Variants in FMN1 observed in about 807,000 individuals in gnomAD.
FMN1 encodes the protein formin-1.
A neutral mutation model predicts 132.4 loss-of-function variants in FMN1; 110 were observed. The ratio of observed to expected loss-of-function variants is 0.83; its 90% confidence interval spans 0.71 to 0.97. FMN1 has a LOEUF of 0.97. FMN1 is among the 50% of genes least tolerant of loss of function. The pLI is 0.00. For missense variants in FMN1, 1,792 were observed against 1,705.3 expected, an observed-to-expected ratio of 1.05 and a Z score of -0.90; for synonymous variants, 722 against 651.7, an observed-to-expected ratio of 1.11 and a Z score of -1.64.
At chr15:33,040,665 C>A (rs974546105) in intron 6 of FMN1, among the ~76,000 whole-genome samples, 1 of 152,228 alleles carries the variant, frequency 6.6e-6, no homozygotes, top group Non-Finnish European at 1.5e-5. Flanking sequence ...TCTAAGATTA[C>A]ACCACCAGAT....
At chr15:32,900,763 T>A (rs1331371846) in intron 13 of FMN1, among the ~76,000 whole-genome samples, 1 of 152,236 alleles carries the variant, frequency 6.6e-6, no homozygotes, top group African/African-American at 2.4e-5. Flanking sequence ...CATTTGTTTG[T>A]CCTTTTATTT....
At chr15:32,966,306 T>G (rs915775220) in intron 8 of FMN1, among the ~76,000 whole-genome samples, 7 of 152,154 alleles carry the variant, frequency 4.6e-5, no homozygotes, top group Non-Finnish European at 8.8e-5. Flanking sequence ...CAACACTATT[T>G]CTATGGGAAA....
At chr15:33,017,791 G>A (rs2035147881) in intron 6 of FMN1, among the ~76,000 whole-genome samples, 1 of 152,238 alleles carries the variant, frequency 6.6e-6, no homozygotes, top group Admixed American at 6.5e-5. Flanking sequence ...TGGGCTGGGT[G>A]CAGTGGCTCA....
At chr15:32,804,402 A>G in intron 17 of FMN1, 70 bp from the exon 18 acceptor site, 3 of 518,314 alleles carry the variant, frequency 5.8e-6, no homozygotes, top group South Asian at 3.6e-5. Flanking sequence ...TACAGCTTCA[A>G]TTACACCCAT....
At chr15:33,091,796 A>G (rs1017184994) in intron 4 of FMN1, among the ~76,000 whole-genome samples, 1 of 152,182 alleles carries the variant, frequency 6.6e-6, no homozygotes, top group South Asian at 2.1e-4. Context: ...CAGCTGAATA[A>G]ATTTAATAAA....
At chr15:32,966,615 A>C (rs1041217538) in intron 8 of FMN1, among the ~76,000 whole-genome samples, 12 of 152,196 alleles carry the variant, frequency 7.9e-5, no homozygotes, top group East Asian at 1.9e-4. Flanking sequence ...ACACCCAAGA[A>C]GGCAAAACGT....
chr15:33,134,361 G>C (rs532475027), intron 4 of FMN1, among the ~76,000 whole-genome samples: 41 of 152,302 alleles, frequency 2.7e-4, no homozygotes, highest in Non-Finnish European at 4.3e-4. Context: ...AGGCAGTTGT[G>C]GGGGAGGATG....
At chr15:32,943,847 C>G (rs80110304) in intron 9 of FMN1, among the ~76,000 whole-genome samples, 14,605 of 152,178 alleles carry the variant, frequency 0.096, 774 homozygotes, top group African/African-American at 0.15. Flanking sequence ...TAATAGACAT[C>G]TAATTGGGAA....
intron 16 of FMN1, among the ~76,000 whole-genome samples, chr15:32,866,491 A>G (rs2059396412): frequency 6.6e-6 from 1 of 152,238 alleles, no homozygotes; most frequent in Non-Finnish European, 1.5e-5. Flanking sequence ...GCTAGATAAC[A>G]TACTGTACGC....
chr15:33,144,636 T>TGAAAAA (rs1964143538), intron 4 of FMN1, among the ~76,000 whole-genome samples: 2 of 51,444 alleles, frequency 3.9e-5, no homozygotes, highest in African/African-American at 1.2e-4. Context: ...AGACTCCGTC[T>TGAAAAA]GAAAAAAAAA....
chr15:33,107,810 G>A (rs1212099646), intron 4 of FMN1, among the ~76,000 whole-genome samples: 1 of 151,964 alleles, frequency 6.6e-6, no homozygotes, highest in African/African-American at 2.4e-5. Flanking sequence ...TATCAGATCT[G>A]GTTTTCTTCT....
intron 5 of FMN1, among the ~76,000 whole-genome samples, chr15:33,080,300 T>G (rs751045203): frequency 2.0e-5 from 3 of 152,210 alleles, no homozygotes; most frequent in Non-Finnish European, 4.4e-5. Context: ...GAGTTTGTTA[T>G]TTAGGAGTGA....
chr15:32,920,246 A>C (rs1033698243), intron 10 of FMN1, among the ~76,000 whole-genome samples: 5 of 152,226 alleles, frequency 3.3e-5, no homozygotes, highest in Non-Finnish European at 5.9e-5. Context: ...TCATGTAGGC[A>C]GTCACTGTGA....
In FMN1 at chr15:33,057,581, G is replaced by A. The variant is rs1190599955; in HGVS notation, c.2161+7376C>T. On this transcript the variant is annotated intron_variant, in intron 6 of 20. Coordinates refer to ENST00000616417, the MANE Select transcript of FMN1 (RefSeq NM_001277313.2). The stretch of plus-strand genomic sequence containing the variant: ...CACAGCTGGCACATGACAGAGCCAA[G>A]CTTCGAACTCAAGTTTAGTTGATGC... Among the ~76,000 whole-genome samples, 3 of 152,300 alleles carry A rather than the reference G, an allele frequency of 2.0e-5. No individual in the cohort carries two copies. In the East Asian group the frequency reaches 5.8e-4, roughly 29 times the overall value.
At chr15:33,111,126 TTG>T (rs766410871) in intron 4 of FMN1, among the ~76,000 whole-genome samples, 2 of 152,202 alleles carry the variant, frequency 1.3e-5, no homozygotes, top group Non-Finnish European at 2.9e-5. Flanking sequence ...GATGATTCAT[TTG>T]TGTGTTTTCC....
intron 18 of FMN1, 40 bp from the exon 19 acceptor site, chr15:32,798,993 G>A: frequency 6.3e-7 from 1 of 1,587,948 alleles, no homozygotes; most frequent in Non-Finnish European, 8.6e-7. Flanking sequence ...AGGTAGAGGT[G>A]AGAAATTGCC....
intron 5 of FMN1, among the ~76,000 whole-genome samples, chr15:33,084,154 C>T (rs560224015): frequency 1.3e-5 from 2 of 152,324 alleles, no homozygotes; most frequent in East Asian, 1.9e-4. Context: ...CTGTGCTCTG[C>T]CTATGGAGTA....
intron 6 of FMN1, among the ~76,000 whole-genome samples, chr15:33,019,024 C>A (rs536591970): frequency 6.6e-6 from 1 of 152,186 alleles, no homozygotes. Context: ...AAGCTTCCAC[C>A]ATGCGGAAGA....
At chr15:33,067,613 A>AG (rs1223303386) in intron 5 of FMN1, 1 of 1,613,762 alleles carries the variant, frequency 6.2e-7, no homozygotes, top group African/African-American at 1.3e-5. Flanking sequence ...ATCATTTCCG[A>AG]GGTCAGGTGA....
Sources: gnomAD v4.1 joint callset for allele counts (sites outside exome capture counted in the v4.1 genomes callset) on GRCh38, gnomAD v4.1.1 for gene constraint, MANE v1.5 for transcripts, NCBI Gene and HGNC (gene_info 2026-07-23, HGNC 2026-07-21) for gene names.